The following COX7B2 variants were observed in gnomAD, a reference collection of about 807,000 sequenced individuals.
COX7B2 encodes cytochrome c oxidase subunit 7B2, also known as cytochrome c oxidase subunit 7B2, mitochondrial.
For synonymous variants in COX7B2, 37 were observed against 32.1 expected (o/e 1.15, Z -0.51); for missense variants, 109 against 95.9 (o/e 1.14, Z -0.57).
chr4:46,860,811 G>A (rs185879221), intron 1 of COX7B2, among the ~76,000 whole-genome samples: 102 of 152,260 alleles, frequency 6.7e-4, no homozygotes, highest in Non-Finnish European at 1.4e-3. Context: ...TGTAAGGCAG[G>A]ATACTCGGTT....
chr4:46,886,680 A>T (rs1355706237), intron 1 of COX7B2, among the ~76,000 whole-genome samples: 6 of 152,338 alleles, frequency 3.9e-5, no homozygotes, highest in South Asian at 2.1e-4. Context: ...ATCCCTGATT[A>T]AAAAATAAAA....
chr4:46,905,001 C>T (rs13110516), intron 1 of COX7B2, among the ~76,000 whole-genome samples: 36,959 of 152,074 alleles, frequency 0.24, 4,698 homozygotes, highest in East Asian at 0.29. Context: ...CCTAAGTCTA[C>T]TTCTGCCACT....
intron 2 of COX7B2, among the ~76,000 whole-genome samples, chr4:46,764,406 G>A (rs891795529): frequency 2.0e-5 from 3 of 151,970 alleles, no homozygotes; most frequent in Non-Finnish European, 2.9e-5. Flanking sequence ...TTAGCTGGGT[G>A]TGGTGGTGGG....
Position 46,832,328 on chromosome 4 carries a change from A to G in COX7B2, c.-50+12632T>C, listed in dbSNP as rs111316199. On this transcript the variant is annotated intron_variant, in intron 2 of 2. Transcript: ENST00000355591. The stretch of plus-strand genomic sequence containing the variant: ...ACATCAGAAGGAACAAACTCCAGAC[A>G]CGCCGCCTTTAAGAACTGTAACACC... Among the ~76,000 whole-genome samples the G allele has an allele frequency of 6.5e-3, 988 of 152,184 alleles. 9 individuals carry two copies. The highest frequency in any genetic ancestry group is 0.022 in the African/African-American group (922 of 41,506).
chr4:46,831,357 C>G (rs1056544325), intron 2 of COX7B2, among the ~76,000 whole-genome samples: 13 of 152,146 alleles, frequency 8.5e-5, no homozygotes, highest in Non-Finnish European at 1.6e-4. Context: ...CTGTGCGGCC[C>G]GAGCCTCCTC....
intron 2 of COX7B2, among the ~76,000 whole-genome samples, chr4:46,754,728 G>GTGTATATATA (rs1333586285): frequency 1.8e-4 from 7 of 39,832 alleles, no homozygotes; most frequent in East Asian, 1.3e-3. Flanking sequence ...GTGTGTGTGT[G>GTGTATATATA]TATATATATA....
intron 2 of COX7B2, among the ~76,000 whole-genome samples, chr4:46,781,851 C>T (rs761860341): frequency 6.6e-6 from 1 of 152,232 alleles, no homozygotes; most frequent in African/African-American, 2.4e-5. Flanking sequence ...TGTGCGGGGT[C>T]CCTCAGCATT....
chr4:46,844,039 A>C (rs1230533709), intron 2 of COX7B2, among the ~76,000 whole-genome samples: 1 of 151,958 alleles, frequency 6.6e-6, no homozygotes, highest in East Asian at 1.9e-4. Flanking sequence ...GCTTGTAAGG[A>C]AATATCAACA....
intron 1 of COX7B2, among the ~76,000 whole-genome samples, chr4:46,851,206 A>G (rs1716656667): frequency 6.6e-6 from 1 of 152,102 alleles, no homozygotes; most frequent in African/African-American, 2.4e-5. Context: ...TTGTCTTGAG[A>G]TAACTTGAGC....
chr4:46,828,057 C>T (rs1295998410), intron 2 of COX7B2, among the ~76,000 whole-genome samples: 3 of 152,126 alleles, frequency 2.0e-5, no homozygotes, highest in South Asian at 4.2e-4. Context: ...TCAAACTGTA[C>T]CCTTAATGTG....
intron 1 of COX7B2, among the ~76,000 whole-genome samples, chr4:46,898,872 T>A (rs576040948): frequency 2.2e-4 from 34 of 152,326 alleles, no homozygotes; most frequent in Non-Finnish European, 3.8e-4. Flanking sequence ...TCCCTGATCA[T>A]AAAATTAGAT....
At chr4:46,739,273 A>G (rs1459237492) in intron 2 of COX7B2, among the ~76,000 whole-genome samples, 1 of 152,086 alleles carries the variant, frequency 6.6e-6, no homozygotes, top group South Asian at 2.1e-4. Flanking sequence ...TAATTCTTCA[A>G]CCATACCATG....
intron 2 of COX7B2, among the ~76,000 whole-genome samples, chr4:46,753,372 C>T (rs1320174011): frequency 1.3e-5 from 2 of 151,866 alleles, no homozygotes; most frequent in Admixed American, 1.3e-4. Context: ...AAACCAGCAC[C>T]CAATGGAACA....
At chr4:46,816,837 G>A (rs936737638) in intron 2 of COX7B2, among the ~76,000 whole-genome samples, 5 of 152,140 alleles carry the variant, frequency 3.3e-5, no homozygotes, top group Non-Finnish European at 7.4e-5. Context: ...ATAAGTAATT[G>A]CTGAGGTATC....
At chr4:46,767,701 T>C (rs1056548235) in intron 2 of COX7B2, among the ~76,000 whole-genome samples, 2 of 152,106 alleles carry the variant, frequency 1.3e-5, no homozygotes, top group Non-Finnish European at 2.9e-5. Flanking sequence ...GGAGAAAAAC[T>C]GGAAATTTCA....
At position 46,813,998 on chromosome 4, in the gene COX7B2, C is replaced by T. The variant is rs1216684608; in HGVS notation, c.-50+30962G>A. Among the ~76,000 whole-genome samples, 5 of 152,222 alleles carry T rather than the reference C, an allele frequency of 3.3e-5. No individual in the cohort carries two copies. In the South Asian group the frequency reaches 8.3e-4, roughly 25 times the overall value. ...CTGTAATGAGATATTATCTCATCCC[C>T]ATTAAAAAGGCAATTATCAAAAAGA... On this transcript the variant is annotated intron_variant, in intron 2 of 2. Transcript: ENST00000355591.
In COX7B2 at chr4:46,825,529, C is replaced by T. The variant is rs571142129; in HGVS notation, c.-50+19431G>A. 1.8e-4 allele frequency among the ~76,000 whole-genome samples: 27 copies of T among 152,212 alleles called. No individual in the cohort carries two copies. The South Asian group carries it at 3.7e-3, about 21-fold the overall frequency. The stretch of plus-strand genomic sequence containing the variant: ...CATTCTTCACAGAACTAGAAAAAAA[C>T]TATATTATAATTCACATGGAACCAA... On this transcript the variant is annotated intron_variant, in intron 2 of 2. Transcript: ENST00000355591.
intron 2 of COX7B2, among the ~76,000 whole-genome samples, chr4:46,763,756 T>A (rs1332067908): frequency 6.6e-6 from 1 of 152,144 alleles, no homozygotes; most frequent in African/African-American, 2.4e-5. Context: ...AACAGAGAAT[T>A]TGAGAATCAC....
At chr4:46,887,763 A>G (rs1188357996) in intron 1 of COX7B2, among the ~76,000 whole-genome samples, 4 of 151,560 alleles carry the variant, frequency 2.6e-5, no homozygotes, top group Non-Finnish European at 5.9e-5. Flanking sequence ...CAAGACAATC[A>G]AGTCATATTT....
Sources: allele counts gnomAD v4.1 joint callset (sites outside exome capture counted in the v4.1 genomes callset), GRCh38; gene constraint gnomAD v4.1.1; transcripts MANE v1.5; gene names NCBI Gene and HGNC (gene_info 2026-07-23, HGNC 2026-07-21).